CNTN4: variants seen among roughly 807,000 people sequenced by gnomAD.
CNTN4 encodes contactin 4, also known as contactin-4.
Under a neutral mutation model 122.5 loss-of-function variants are expected in CNTN4, and 77 were observed. That is an observed-to-expected ratio of 0.63 (90% CI 0.52 to 0.76). CNTN4 has a LOEUF of 0.76. Among genes scored for constraint, CNTN4 ranks in the 30% least tolerant of loss-of-function variants. CNTN4 has a pLI of 0.00. For missense variants in CNTN4, 1,256 were observed against 1,259.1 expected (o/e 1.00, Z 0.04); for synonymous variants, 512 against 447.0 (o/e 1.15, Z -1.83).
At chr3:2,467,666 C>G (rs1448456724) in intron 3 of CNTN4, among the ~76,000 whole-genome samples, 3 of 152,096 alleles carry the variant, frequency 2.0e-5, no homozygotes, top group Non-Finnish European at 4.4e-5. Flanking sequence ...TAGTTATGCA[C>G]TAATTAATAA....
intron 3 of CNTN4, among the ~76,000 whole-genome samples, chr3:2,427,761 T>C (rs966603552): frequency 4.6e-5 from 7 of 152,094 alleles, no homozygotes; most frequent in African/African-American, 1.7e-4. Flanking sequence ...TGCTCCTGTA[T>C]TGGGTGCACA....
At chr3:2,149,314 T>C (rs1158854596) in intron 2 of CNTN4, among the ~76,000 whole-genome samples, 1 of 152,154 alleles carries the variant, frequency 6.6e-6, no homozygotes, top group Non-Finnish European at 1.5e-5. Context: ...ACACTTCCAT[T>C]TGTCTGTTTT....
intron 6 of CNTN4, among the ~76,000 whole-genome samples, chr3:2,802,461 C>G (rs556085704): frequency 1.3e-5 from 2 of 152,070 alleles, no homozygotes; most frequent in Non-Finnish European, 2.9e-5. Context: ...GGAATAGCAC[C>G]GAGGTGCTGT....
chr3:2,768,241 A>T (rs939914401), intron 6 of CNTN4, among the ~76,000 whole-genome samples: 3 of 152,178 alleles, frequency 2.0e-5, no homozygotes, highest in African/African-American at 7.2e-5. Flanking sequence ...ATCACATCAC[A>T]AGCATCTTCC....
chr3:2,520,354 C>T (rs1194069494), intron 3 of CNTN4, among the ~76,000 whole-genome samples: 3 of 138,594 alleles, frequency 2.2e-5, no homozygotes, highest in Non-Finnish European at 4.5e-5. Flanking sequence ...TTCACTGCAA[C>T]ATTCACCATC....
At chr3:2,995,888 G>T (rs747830425) in intron 14 of CNTN4, among the ~76,000 whole-genome samples, 57 of 152,162 alleles carry the variant, frequency 3.7e-4, no homozygotes, top group Non-Finnish European at 7.3e-4. Context: ...ATTTAACCTA[G>T]TGGGATTCAC....
intron 6 of CNTN4, among the ~76,000 whole-genome samples, chr3:2,808,001 C>T (rs1277680025): frequency 6.6e-6 from 1 of 152,162 alleles, no homozygotes; most frequent in Non-Finnish European, 1.5e-5. Context: ...GCGCCTCTTT[C>T]CTGAGACATC....
intron 4 of CNTN4, among the ~76,000 whole-genome samples, chr3:2,673,619 C>A (rs1445627999): frequency 6.6e-6 from 1 of 152,116 alleles, no homozygotes; most frequent in Non-Finnish European, 1.5e-5. Flanking sequence ...CGGCTCACTG[C>A]AAGCTGCACC....
intron 3 of CNTN4, among the ~76,000 whole-genome samples, chr3:2,393,826 A>G (rs1575538787): frequency 6.6e-6 from 1 of 152,042 alleles, no homozygotes; most frequent in East Asian, 1.9e-4. Context: ...GAACTGAGAT[A>G]ACCTTTAGAC....
At chr3:2,746,942 G>A (rs1412291479) in intron 6 of CNTN4, among the ~76,000 whole-genome samples, 1 of 152,066 alleles carries the variant, frequency 6.6e-6, no homozygotes, top group African/African-American at 2.4e-5. Flanking sequence ...TGATTTTTTA[G>A]TAATGACAAA....
intron 6 of CNTN4, among the ~76,000 whole-genome samples, chr3:2,784,803 C>T (rs534203950): frequency 9.9e-5 from 15 of 152,124 alleles, no homozygotes; most frequent in Non-Finnish European, 1.9e-4. Flanking sequence ...ATATGACTCA[C>T]CTGACCAGAT....
chr3:2,457,248 T>C (rs2049038100), intron 3 of CNTN4, among the ~76,000 whole-genome samples: 1 of 152,146 alleles, frequency 6.6e-6, no homozygotes, highest in African/African-American at 2.4e-5. Context: ...CATACAATAT[T>C]CCAAAAGTAA....
chr3:2,403,964 A>G (rs763621980), intron 3 of CNTN4, among the ~76,000 whole-genome samples: 2 of 152,206 alleles, frequency 1.3e-5, no homozygotes, highest in Non-Finnish European at 2.9e-5. Context: ...AGTGGACCCT[A>G]TGAGTACAGA....
chr3:2,368,171 T>C (rs1338588903), intron 3 of CNTN4, among the ~76,000 whole-genome samples: 1 of 148,594 alleles, frequency 6.7e-6, no homozygotes, highest in African/African-American at 2.5e-5. Context: ...TAGCTGGGAC[T>C]ACAGGGCCCG....
intron 3 of CNTN4, among the ~76,000 whole-genome samples, chr3:2,535,838 C>T (rs1334321164): frequency 6.6e-6 from 1 of 152,072 alleles, no homozygotes; most frequent in Non-Finnish European, 1.5e-5. Context: ...AAAAATATCC[C>T]TTTCAGTAGT....
intron 14 of CNTN4, among the ~76,000 whole-genome samples, chr3:3,008,326 C>T (rs753595512): frequency 6.6e-6 from 1 of 152,048 alleles, no homozygotes; most frequent in Non-Finnish European, 1.5e-5. Flanking sequence ...CCACAGAACA[C>T]GAAATCTGTC....
chr3:2,854,563 C>A lies in CNTN4; in HGVS notation c.455-12189C>A, dbSNP rs113016608. Reference sequence around the variant, plus strand: ...GCTGGCATTACAAGCATGAGCCACCCTGCCCGGCTGAAAATTGGTATTTTC... The same window carrying A: ...GCTGGCATTACAAGCATGAGCCACCATGCCCGGCTGAAAATTGGTATTTTC... On this transcript the variant is annotated intron_variant, in intron 7 of 24. Transcript: ENST00000418658. 6.0e-3 allele frequency among the ~76,000 whole-genome samples: 918 copies of A among 152,180 alleles called. 5 individuals carry two copies. The highest frequency in any genetic ancestry group is 0.021 in the African/African-American group (877 of 41,540).
chr3:2,744,457 T>A (rs2089646073), intron 5 of CNTN4, among the ~76,000 whole-genome samples: 1 of 152,256 alleles, frequency 6.6e-6, no homozygotes. Flanking sequence ...ACTCTCATTA[T>A]GGATTTGGAT....
intron 2 of CNTN4, among the ~76,000 whole-genome samples, chr3:2,244,600 CCCTAT>C (rs1480240536): frequency 2.0e-5 from 3 of 151,966 alleles, no homozygotes; most frequent in Admixed American, 2.0e-4. Flanking sequence ...TTAATTTTAT[CCCTAT>C]CTCTTTACTT....
Sources: allele counts gnomAD v4.1 joint callset (sites outside exome capture counted in the v4.1 genomes callset), GRCh38; gene constraint gnomAD v4.1.1; transcripts MANE v1.5; gene names NCBI Gene and HGNC (gene_info 2026-07-23, HGNC 2026-07-21).